Variants in ALG13 observed in about 807,000 individuals in gnomAD.
ALG13 encodes ALG13 UDP-N-acetylglucosaminyltransferase subunit.
ALG13 carries 11 observed loss-of-function variants against 87.8 expected under a neutral mutation model. That is an observed-to-expected ratio of 0.13 (90% CI 0.08 to 0.21). The LOEUF (loss-of-function observed/expected upper bound fraction) is 0.21. Ranked by LOEUF, ALG13 falls within the 10% of genes least tolerant of loss-of-function variation. The pLI is 1.00. For synonymous variants in ALG13, 320 were observed against 306.3 expected (o/e 1.04, Z -0.47); for missense variants, 756 against 866.1 (o/e 0.87, Z 1.60).
At position 111,720,417 on chromosome X, in the gene ALG13, A is replaced by G. The variant is rs993369673; in HGVS notation, c.1326+247A>G. On this transcript the variant is annotated intron_variant, in intron 11 of 26. Transcript: ENST00000394780. ...ACACTTCAGAAATTTCAAGAGCAAT[A>G]TGTTTTTAAGTTAAATATTACAAAC... Among the ~76,000 whole-genome samples, 14 of 112,287 alleles carry G rather than the reference A, an allele frequency of 1.2e-4. No individual in the cohort carries two copies. The East Asian group carries it at 2.8e-3, about 22-fold the overall frequency.
chrX:111,727,466 C>T, intron 17 of ALG13, 21 bp downstream of exon 17: 2 of 1,152,010 alleles, frequency 1.7e-6, no homozygotes, highest in Non-Finnish European at 2.4e-6. Flanking sequence ...TGTTGAAAGT[C>T]AGAGAAAATT....
At chrX:111,710,778 G>A (rs1442474860) in intron 5 of ALG13, among the ~76,000 whole-genome samples, 1 of 111,849 alleles carries the variant, frequency 8.9e-6, no homozygotes, top group Admixed American at 9.4e-5. Flanking sequence ...CTCACTGTAA[G>A]CTCCGCCTCC....
At chrX:111,757,437 GT>G in intron 25 of ALG13, 150 bp from the exon 26 acceptor site, 1 of 398,246 alleles carries the variant, frequency 2.5e-6, no homozygotes. Flanking sequence ...AGACTGTCAA[GT>G]TTTTAGGTCA....
chrX:111,750,656 CTTATTTATTTATTTAT>C (rs767738920), intron 24 of ALG13, among the ~76,000 whole-genome samples: 2 of 108,782 alleles, frequency 1.8e-5, no homozygotes, highest in Non-Finnish European at 3.8e-5. Flanking sequence ...TGTTTATTTA[CTTATTTATTTATTTAT>C]TTATTTATTT....
chrX:111,741,683 C>G (rs778845737), intron 23 of ALG13, among the ~76,000 whole-genome samples: 36 of 110,194 alleles, frequency 3.3e-4, no homozygotes, highest in Non-Finnish European at 6.5e-4. Flanking sequence ...CATGGTGGCA[C>G]ATGCCTGTAA....
intron 2 of ALG13, among the ~76,000 whole-genome samples, chrX:111,683,895 G>C (rs1319436203): frequency 9.0e-6 from 1 of 111,323 alleles, no homozygotes. Flanking sequence ...TCTATTGTAG[G>C]CTTGCTTTTC....
At chrX:111,711,862 T>G in intron 6 of ALG13, 137 bp downstream of exon 6, 1 of 571,551 alleles carries the variant, frequency 1.7e-6, no homozygotes, top group East Asian at 3.7e-5. Context: ...CCAATAGTTC[T>G]CACATAAGTT....
At chrX:111,707,186 A>G (rs1441340658) in intron 3 of ALG13, among the ~76,000 whole-genome samples, 2 of 112,214 alleles carry the variant, frequency 1.8e-5, no homozygotes, top group African/African-American at 6.5e-5. Flanking sequence ...AAAGTACACT[A>G]GTAAAACATT....
intron 21 of ALG13, among the ~76,000 whole-genome samples, chrX:111,734,787 C>T (rs1287483528): frequency 9.0e-6 from 1 of 111,042 alleles, no homozygotes; most frequent in Non-Finnish European, 1.9e-5. Context: ...CACTGAAAGA[C>T]TGTTTAGATT....
Position 111,724,875 on chromosome X carries a change from T to C in ALG13, c.1602-59T>C, listed in dbSNP as rs1185881677. On this transcript the variant is annotated intron_variant, in intron 14 of 26. Transcript: ENST00000394780. ...AAGTATAAGGGGTGGGATACGTGTA[T>C]TGAATGAAAGTTAAGTCTGTGTTGC... The C allele has an allele frequency of 4.6e-5, 53 of 1,155,091 alleles. No individual in the cohort carries two copies. The East Asian group carries it at 1.3e-3, about 28-fold the overall frequency.
chrX:111,747,737 G>A (rs182459395), intron 24 of ALG13, among the ~76,000 whole-genome samples: 131 of 111,787 alleles, frequency 1.2e-3, no homozygotes, highest in African/African-American at 4.0e-3. Flanking sequence ...CACCCACCTC[G>A]GCCTCCTGAA....
At chrX:111,704,013 A>G (rs1938340629) in intron 3 of ALG13, among the ~76,000 whole-genome samples, 1 of 111,993 alleles carries the variant, frequency 8.9e-6, no homozygotes, top group Non-Finnish European at 1.9e-5. Context: ...TATCCTTTTC[A>G]ACACTTGGTA....
intron 21 of ALG13, among the ~76,000 whole-genome samples, chrX:111,730,826 G>A (rs1942603558): frequency 8.9e-6 from 1 of 112,023 alleles, no homozygotes; most frequent in Non-Finnish European, 1.9e-5. Context: ...TAGAATGGAT[G>A]ATACATCTCA....
rs2148530841 is a variant in ALG13, at chrX:111,759,790, G to A, written c.3205G>A (p.Val1069Ile). 1.7e-6 allele frequency: 2 copies of A among 1,209,134 alleles called. No individual in the cohort carries two copies. Among genetic ancestry groups the A allele is most frequent in the East Asian group, 3.0e-5 (1 of 33,759 alleles). Residue 1069 changes from valine (V) to isoleucine (I), a missense_variant, in exon 27 of 27, where the codon GTA becomes ATA. Physicochemically the swap from Val to Ile is conservative, Grantham distance 29 (BLOSUM62 3). This residue lies in a region of ALG13 where 110 missense variants were observed against 104.9 expected (regional missense o/e 1.05). Transcript: ENST00000394780. ...CCCTCATGGAGCAGTCTATTATCCA[G>A]TAATGTCAGATCCCTATGGGCAGCC... ...SVPHGAVYYP[V>I]MSDPYGQPPL...
intron 23 of ALG13, chrX:111,743,905 G>GT (rs1943981469): frequency 1.9e-5 from 2 of 105,554 alleles, no homozygotes; most frequent in Admixed American, 9.9e-5. Context: ...TTCATCTTTT[G>GT]TAAAAAAAAA....
At chrX:111,749,731 A>G (rs1268576855) in intron 24 of ALG13, among the ~76,000 whole-genome samples, 2 of 110,858 alleles carry the variant, frequency 1.8e-5, no homozygotes, top group Admixed American at 9.6e-5. Context: ...GGTTTTTGGA[A>G]CTGTAGTAAA....
intron 23 of ALG13, among the ~76,000 whole-genome samples, chrX:111,743,457 G>A (rs1054411464): frequency 1.8e-5 from 2 of 111,224 alleles, no homozygotes; most frequent in South Asian, 7.5e-4. Flanking sequence ...CATTTTTTTG[G>A]TGCCCAGTTC....
At position 111,756,085 on chromosome X, in the gene ALG13, T is replaced by TA. The variant is rs748188978; in HGVS notation, c.2974-1497dup. ...CACACCATGGAATACTATGCAGCCA[T>TA]AAAAAAGAATGAGTTCATGTCCTTT... is the stretch of plus-strand genomic sequence containing the variant. On this transcript the variant is annotated intron_variant, in intron 25 of 26. Transcript: ENST00000394780. Among the ~76,000 whole-genome samples, 16 of 111,863 alleles carry TA rather than the reference T, an allele frequency of 1.4e-4. No homozygotes were observed. The East Asian group carries it at 4.0e-3, about 28-fold the overall frequency.
At chrX:111,715,334 A>G (rs749076153) in intron 8 of ALG13, among the ~76,000 whole-genome samples, 120 of 112,094 alleles carry the variant, frequency 1.1e-3, no homozygotes, top group Middle Eastern at 4.7e-3. Flanking sequence ...TTGAAAAGCC[A>G]GGTGCTTTTA....
Sources: gnomAD v4.1 joint callset for allele counts (sites outside exome capture counted in the v4.1 genomes callset) on GRCh38, gnomAD v4.1.1 for gene constraint, gnomAD v4.1.1 regional missense constraint, MANE v1.5 for transcripts, NCBI Gene and HGNC (gene_info 2026-07-23, HGNC 2026-07-21) for gene names.